The following PTGES3 variants were observed in gnomAD, a reference collection of about 807,000 sequenced individuals.
PTGES3 encodes Hsp90 co-chaperone.
Under a neutral mutation model 29.9 loss-of-function variants are expected in PTGES3, and 5 were observed. The ratio of observed to expected loss-of-function variants is 0.17; its 90% CI spans 0.09 to 0.35. PTGES3 has a LOEUF of 0.35. Ranked by LOEUF, PTGES3 falls within the 10% of genes least tolerant of loss-of-function variation. The pLI, the probability that PTGES3 is intolerant of heterozygous loss-of-function variation, is 1.00. For missense variants in PTGES3, 128 were observed against 190.0 expected (o/e 0.67, Z 1.92); for synonymous variants, 49 against 57.8 (o/e 0.85, Z 0.69).
intron 1 of PTGES3, among the ~76,000 whole-genome samples, chr12:56,687,099 G>A (rs1952908972): frequency 6.6e-6 from 1 of 150,736 alleles, no homozygotes; most frequent in Non-Finnish European, 1.5e-5. Flanking sequence ...AAATCGCCAA[G>A]GCTTTCCTTT....
intron 1 of PTGES3, among the ~76,000 whole-genome samples, chr12:56,680,060 T>C (rs1952453008): frequency 6.6e-6 from 1 of 151,228 alleles, no homozygotes; most frequent in Non-Finnish European, 1.5e-5. Flanking sequence ...GTTTTCCATT[T>C]TTGTTTTATT....
At chr12:56,672,835 T>A (rs1364930799) in intron 2 of PTGES3, 26 bp from the exon 3 acceptor site, 2 of 1,563,676 alleles carry the variant, frequency 1.3e-6, no homozygotes, top group Non-Finnish European at 8.6e-7. Context: ...AAGAAAGAAT[T>A]AAGCCTCTTC....
intron 4 of PTGES3, among the ~76,000 whole-genome samples, chr12:56,671,403 GA>G (rs961328565): frequency 3.3e-5 from 5 of 151,272 alleles, no homozygotes; most frequent in African/African-American, 7.3e-5. Flanking sequence ...TGTTTTGGGG[GA>G]AAAAAAACAC....
intron 1 of PTGES3, among the ~76,000 whole-genome samples, chr12:56,677,299 G>A (rs956230763): frequency 6.6e-6 from 1 of 150,952 alleles, no homozygotes; most frequent in Non-Finnish European, 1.5e-5. Flanking sequence ...ACCTTGAACA[G>A]CTTTCACCTT....
At chr12:56,680,025 G>A (rs540767898) in intron 1 of PTGES3, among the ~76,000 whole-genome samples, 79 of 151,892 alleles carry the variant, frequency 5.2e-4, no homozygotes, top group Admixed American at 1.7e-3. Flanking sequence ...CTCATGGAAG[G>A]CAAAAGGAGA....
intron 1 of PTGES3, among the ~76,000 whole-genome samples, chr12:56,681,069 G>A (rs1003376938): frequency 2.0e-5 from 3 of 152,016 alleles, no homozygotes; most frequent in African/African-American, 4.8e-5. Flanking sequence ...ACCATACCTG[G>A]TCCCCCCATT....
rs869222252 is a variant in PTGES3, at chr12:56,674,825, CAAAAAAAA to C, written c.3-1768_3-1761del. Among the ~76,000 whole-genome samples the C allele has an allele frequency of 9.9e-4, 16 of 16,110 alleles. 1 individual carries two copies. In the East Asian group the frequency reaches 0.012, roughly 12 times the overall value. 10.6% of individuals were successfully genotyped at this position (16,110 alleles called of 152,430 possible). ...TGGGCAACAGAGCAAGACTCCATCT[CAAAAAAAA>C]AAAAAAAAAAAAAAAAAAAAATTCG... On this transcript the variant is annotated intron_variant, in intron 1 of 7. Transcript: ENST00000262033.
Position 56,665,736 on chromosome 12 carries a change from G to C in PTGES3, c.438+468C>G, listed in dbSNP as rs1359538769. On this transcript the variant is annotated intron_variant, in intron 6 of 7. Transcript: ENST00000262033. ...GGCTCACTGCAACCTCCGCCTCCCAGGTTCAAGCGATTCTCCCACCTCAGC... is the reference window on the plus strand; with the variant it reads ...GGCTCACTGCAACCTCCGCCTCCCACGTTCAAGCGATTCTCCCACCTCAGC... 3 of 793,778 alleles carry C rather than the reference G, an allele frequency of 3.8e-6. No homozygotes were observed. In the East Asian group the frequency reaches 3.7e-4, roughly 99 times the overall value. 49.2% of individuals were successfully genotyped at this position (793,778 alleles called of 1,614,324 possible).
At chr12:56,670,023 AGTTT>A (rs1293303538) in intron 5 of PTGES3, among the ~76,000 whole-genome samples, 2 of 150,386 alleles carry the variant, frequency 1.3e-5, no homozygotes, top group African/African-American at 2.4e-5. Context: ...TAGCTGTGTT[AGTTT>A]GTCTTAATGC....
chr12:56,686,940 TTCCACCTTAATTGTTC>T (rs1952891977), intron 1 of PTGES3: 1 of 389,552 alleles, frequency 2.6e-6, no homozygotes, highest in Non-Finnish European at 4.5e-6. Context: ...AAAAAAAAGG[TTCCACCTTAATTGTTC>T]TCCATACCTT....
intron 1 of PTGES3, among the ~76,000 whole-genome samples, chr12:56,680,080 T>C (rs1314632475): frequency 6.8e-6 from 1 of 147,604 alleles, no homozygotes; most frequent in Non-Finnish European, 1.5e-5. Context: ...TGGTTTTGGT[T>C]TTTTTTTTTT....
At chr12:56,682,697 G>A (rs1350931874) in intron 1 of PTGES3, among the ~76,000 whole-genome samples, 1 of 118,638 alleles carries the variant, frequency 8.4e-6, no homozygotes, top group African/African-American at 3.2e-5. Context: ...GGACAACACG[G>A]TAAGATCCCG....
chr12:56,664,445 T>C lies in PTGES3; in HGVS notation c.*34A>G. ...ATGAAATCTTGCAGAGAAGTTATTT[T>C]TCTTTCTCAAAATCCAGGTGATGAC... On this transcript the variant is annotated 3_prime_UTR_variant, in exon 8 of 8. Coordinates refer to ENST00000262033, the MANE Select transcript of PTGES3 (RefSeq NM_006601.7). The C allele has an allele frequency of 6.3e-7, 1 of 1,598,942 alleles. No homozygotes were observed.
chr12:56,671,587 C>T (rs1952008879), intron 4 of PTGES3, among the ~76,000 whole-genome samples, 162 bp downstream of exon 4: 1 of 152,178 alleles, frequency 6.6e-6, no homozygotes, highest in African/African-American at 2.4e-5. Flanking sequence ...ATATTCTGAT[C>T]ACACTTCGTA....
intron 5 of PTGES3, among the ~76,000 whole-genome samples, chr12:56,669,663 G>A (rs1951926250): frequency 6.6e-6 from 1 of 152,046 alleles, no homozygotes; most frequent in Non-Finnish European, 1.5e-5. Context: ...CCAGGCTGGA[G>A]TCCAGTGGCA....
At chr12:56,682,695 C>T (rs939614796) in intron 1 of PTGES3, among the ~76,000 whole-genome samples, 18 of 144,716 alleles carry the variant, frequency 1.2e-4, no homozygotes, top group Non-Finnish European at 3.0e-5. Context: ...CTGGACAACA[C>T]GGTAAGATCC....
At chr12:56,675,820 T>C in intron 1 of PTGES3, among the ~76,000 whole-genome samples, 1 of 151,968 alleles carries the variant, frequency 6.6e-6, no homozygotes, top group East Asian at 1.9e-4. Flanking sequence ...CTACTCAGGA[T>C]GCTGCAGCAG....
intron 1 of PTGES3, among the ~76,000 whole-genome samples, chr12:56,680,146 A>G (rs1294394188): frequency 2.0e-5 from 3 of 148,838 alleles, no homozygotes. Flanking sequence ...ATCACAGCTC[A>G]CTGCAATCTT....
chr12:56,674,106 G>C (rs549315574), intron 1 of PTGES3, among the ~76,000 whole-genome samples: 5 of 152,244 alleles, frequency 3.3e-5, no homozygotes, highest in African/African-American at 1.2e-4. Context: ...TTAATACATT[G>C]AAGTCCTAAC....
Sources: gnomAD v4.1 joint callset for allele counts (sites outside exome capture counted in the v4.1 genomes callset) on GRCh38, gnomAD v4.1.1 for gene constraint, MANE v1.5 for transcripts, NCBI Gene and HGNC (gene_info 2026-07-23, HGNC 2026-07-21) for gene names.